The following MARCHF8 variants were observed in gnomAD, a reference collection of about 807,000 sequenced individuals.
The protein encoded by MARCHF8 is membrane associated ring-CH-type finger 8.
MARCHF8 carries 40 observed loss-of-function variants against 51.6 expected under a neutral mutation model. The ratio of observed to expected loss-of-function variants is 0.77; its 90% CI spans 0.60 to 1.01. The LOEUF is 1.01. Among genes scored for constraint, MARCHF8 ranks in the 50% least tolerant of loss-of-function variants. The pLI is 0.00. For synonymous variants in MARCHF8, 263 were observed against 280.3 expected (o/e 0.94, Z 0.62); for missense variants, 685 against 708.6 (o/e 0.97, Z 0.38).
chr10:45,509,780 A>AGG (rs2043459780), intron 2 of MARCHF8, among the ~76,000 whole-genome samples: 1 of 152,146 alleles, frequency 6.6e-6, no homozygotes, highest in South Asian at 2.1e-4. Flanking sequence ...GGACCTCAAG[A>AGG]AATGAGGAAT....
chr10:45,514,235 T>C (rs934986702), intron 2 of MARCHF8, among the ~76,000 whole-genome samples: 2 of 152,244 alleles, frequency 1.3e-5, no homozygotes, highest in Admixed American at 6.5e-5. Flanking sequence ...TGAGGCATCC[T>C]TGAGCAACTC....
chr10:45,528,943 G>GT (rs1397759855), intron 2 of MARCHF8, among the ~76,000 whole-genome samples: 2 of 152,056 alleles, frequency 1.3e-5, no homozygotes, highest in Non-Finnish European at 2.9e-5. Context: ...TACTAACATT[G>GT]TTTTTCACAA....
intron 1 of MARCHF8, among the ~76,000 whole-genome samples, chr10:45,566,873 A>G (rs1191227068): frequency 2.6e-5 from 4 of 152,074 alleles, no homozygotes; most frequent in African/African-American, 4.8e-5. Context: ...TGTTCTCCAT[A>G]GTGGTTATAC....
chr10:45,461,443 G>A lies in MARCHF8; in HGVS notation c.1089-32C>T, dbSNP rs1287571177. 2.0e-6 allele frequency: 3 copies of A among 1,491,668 alleles called. No individual in the cohort carries two copies. The African/African-American group carries it at 4.3e-5, about 21-fold the overall frequency. 92.4% of individuals were successfully genotyped at this position (1,491,668 alleles called of 1,614,324 possible). The stretch of plus-strand genomic sequence containing the variant: ...TGGAAGGAAAACCTGTCATTCCAAG[G>A]ACAGTCCCATGACAGGGAAGCTGAC... On this transcript the variant is annotated intron_variant, in intron 5 of 7. Transcript: ENST00000453424.
chr10:45,553,668 T>C (rs1046763917), intron 1 of MARCHF8, among the ~76,000 whole-genome samples: 7 of 152,092 alleles, frequency 4.6e-5, no homozygotes, highest in Middle Eastern at 3.2e-3. Context: ...CACAATGAAA[T>C]AGACAAAAAG....
At chr10:45,585,514 C>G (rs1412697657) in intron 1 of MARCHF8, among the ~76,000 whole-genome samples, 2 of 152,100 alleles carry the variant, frequency 1.3e-5, no homozygotes, top group Non-Finnish European at 1.5e-5. Context: ...TAAAGTTCAA[C>G]AGCATGCAGG....
rs1842890418 is a variant in MARCHF8, at chr10:45,464,180, C to A, written c.242+59G>T. On this transcript the variant is annotated intron_variant, in intron 4 of 7. Coordinates refer to ENST00000453424, the MANE Select transcript of MARCHF8 (RefSeq NM_001282866.2). ...AAATGGAAATTCAAGAACCTACAGA[C>A]ACTAATGCTTATTTCTGGCTGCACA... 3.8e-6 allele frequency: 6 copies of A among 1,581,438 alleles called. No homozygotes were observed. The East Asian group carries it at 6.7e-5, about 18-fold the overall frequency.
In MARCHF8 at chr10:45,542,406, C is replaced by G. The variant is rs367833459; in HGVS notation, c.-78-9117G>C. On this transcript the variant is annotated intron_variant, in intron 1 of 6. Coordinates refer to the MARCHF8 transcript ENST00000319836. Reference sequence around the variant, plus strand: ...GAACACCCTGGGGCCAAAACCTGACCTGAACTAACAGGAAGCTATTCAAAA... The same window carrying G: ...GAACACCCTGGGGCCAAAACCTGACGTGAACTAACAGGAAGCTATTCAAAA... Among the ~76,000 whole-genome samples, 86 of 149,688 alleles carry G rather than the reference C, an allele frequency of 5.7e-4. 1 individual carries two copies. In the South Asian group the frequency reaches 0.018, roughly 31 times the overall value.
chr10:45,463,136 TC>T lies in MARCHF8; in HGVS notation c.1088+14del, dbSNP rs1842846588. The T allele has an allele frequency of 3.9e-6, 6 of 1,542,796 alleles. No individual in the cohort carries two copies. The highest frequency in any genetic ancestry group is 5.3e-6 in the Non-Finnish European group (6 of 1,142,356). ...GAGCAGAGATGGCTAGAATGGCACT[TC>T]CTGGCAAACCAACCTGCAGACATCC... On this transcript the variant is annotated intron_variant, in intron 5 of 7. Coordinates refer to ENST00000453424, the MANE Select transcript of MARCHF8 (RefSeq NM_001282866.2).
At chr10:45,512,914 G>C (rs1489779958) in intron 2 of MARCHF8, among the ~76,000 whole-genome samples, 3 of 151,880 alleles carry the variant, frequency 2.0e-5, no homozygotes, top group Non-Finnish European at 4.4e-5. Flanking sequence ...CCTGTTGATC[G>C]GTGACCTTAC....
At chr10:45,552,241 C>T in intron 1 of MARCHF8, among the ~76,000 whole-genome samples, 1 of 151,194 alleles carries the variant, frequency 6.6e-6, no homozygotes, top group Non-Finnish European at 1.5e-5. Context: ...TGGTGAAATC[C>T]CAAAGGTGGT....
intron 1 of MARCHF8, among the ~76,000 whole-genome samples, chr10:45,572,752 T>C (rs1025858655): frequency 6.6e-6 from 1 of 152,126 alleles, no homozygotes; most frequent in African/African-American, 2.4e-5. Flanking sequence ...CCTTTTCTAC[T>C]GACCCATCTG....
At chr10:45,503,405 G>A (rs944717765) in intron 2 of MARCHF8, among the ~76,000 whole-genome samples, 1 of 151,998 alleles carries the variant, frequency 6.6e-6, no homozygotes, top group East Asian at 1.9e-4. Context: ...GCATGGTGAC[G>A]TATGCCTGTA....
rs547933264 is a variant in MARCHF8 at position 45,522,420 on chromosome 10, T to TA, written c.102+10689dup. Among the ~76,000 whole-genome samples, 671 of 152,312 alleles carry TA rather than the reference T, an allele frequency of 4.4e-3. 4 individuals carry two copies. The highest frequency in any genetic ancestry group is 0.015 in the African/African-American group (640 of 41,574). On this transcript the variant is annotated intron_variant, in intron 2 of 7. Transcript: ENST00000453424. ...CAGTAAGAACCCAAGGTCACACTGCTAATTAGATGAAAAGACCTTTGCTCT... is the reference window on the plus strand; with the variant it reads ...CAGTAAGAACCCAAGGTCACACTGCTAAATTAGATGAAAAGACCTTTGCTCT...
At chr10:45,582,056 C>A (rs1191026910) in intron 1 of MARCHF8, among the ~76,000 whole-genome samples, 1 of 151,842 alleles carries the variant, frequency 6.6e-6, no homozygotes, top group Non-Finnish European at 1.5e-5. Flanking sequence ...ATTATTTTAA[C>A]AACCTTATCA....
rs2042804139 is a variant in MARCHF8 at position 45,477,283 on chromosome 10, C to G, written c.153+12084G>C. Reference sequence around the variant, plus strand: ...GAGAAGAAATAAAGTCCTTCCCAGACAAGCAAAAGCTGAGGGAATTCACCA... The same window carrying G: ...GAGAAGAAATAAAGTCCTTCCCAGAGAAGCAAAAGCTGAGGGAATTCACCA... On this transcript the variant is annotated intron_variant, in intron 3 of 7. Coordinates refer to ENST00000453424, the MANE Select transcript of MARCHF8 (RefSeq NM_001282866.2). Among the ~76,000 whole-genome samples, 5 of 152,060 alleles carry G rather than the reference C, an allele frequency of 3.3e-5. No individual in the cohort carries two copies. In the South Asian group the frequency reaches 1.0e-3, roughly 31 times the overall value.
chr10:45,497,855 A>G (rs965775200), intron 2 of MARCHF8, among the ~76,000 whole-genome samples: 7 of 152,228 alleles, frequency 4.6e-5, no homozygotes, highest in Admixed American at 2.0e-4. Context: ...ACGCAGTCAT[A>G]TGTAAGTCAG....
intron 1 of MARCHF8, 130 bp from the exon 2 acceptor site, chr10:45,533,419 T>A (rs1373480727): frequency 4.2e-6 from 2 of 476,306 alleles, no homozygotes; most frequent in African/African-American, 4.1e-5. Context: ...AAATGTTTGG[T>A]CTTCAAAAAC....
At chr10:45,511,968 T>G (rs1276760200) in intron 2 of MARCHF8, among the ~76,000 whole-genome samples, 3 of 143,000 alleles carry the variant, frequency 2.1e-5, no homozygotes, top group Admixed American at 6.9e-5. Context: ...GTGAGGAGCG[T>G]CTCTGCCCGG....
Sources: allele counts gnomAD v4.1 joint callset (sites outside exome capture counted in the v4.1 genomes callset), GRCh38; gene constraint gnomAD v4.1.1; transcripts MANE v1.5; gene names NCBI Gene and HGNC (gene_info 2026-07-23, HGNC 2026-07-21).